Variants in LPIN2 observed in about 807,000 individuals in gnomAD.
LPIN2 encodes phosphatidate phosphatase LPIN2.
LPIN2 carries 55 observed loss-of-function variants against 111.4 expected under a neutral mutation model. The observed-to-expected ratio is 0.49, with a 90% confidence interval of 0.40 to 0.62. The LOEUF (loss-of-function observed/expected upper bound fraction) is 0.62, where lower values mean the gene tolerates loss of function less well. Among genes scored for constraint, LPIN2 ranks in the 20% least tolerant of loss-of-function variants. LPIN2 has a pLI of 0.00. For missense variants in LPIN2, 992 were observed against 1,112.1 expected (o/e 0.89, Z 1.54); for synonymous variants, 425 against 414.0 (o/e 1.03, Z -0.32).
At chr18:2,997,299 T>G (rs1385805996) in intron 1 of LPIN2, among the ~76,000 whole-genome samples, 1 of 151,822 alleles carries the variant, frequency 6.6e-6, no homozygotes, top group East Asian at 1.9e-4. Context: ...TGTTTTTTGT[T>G]TTTTTTTAGT....
chr18:2,924,165 AACTAATCT>A (rs1350336669), intron 15 of LPIN2, among the ~76,000 whole-genome samples: 3 of 152,190 alleles, frequency 2.0e-5, no homozygotes, highest in African/African-American at 7.2e-5. Context: ...GAAACCAAAT[AACTAATCT>A]TTCCAAAAGT....
rs184193388 is a variant in LPIN2, at chr18:2,919,935, C to T, written c.*358G>A. The T allele has an allele frequency of 7.4e-3, 2,642 of 358,062 alleles. 18 individuals carry two copies. Among genetic ancestry groups the T allele is most frequent in the Non-Finnish European group, 0.01 (1,891 of 184,234 alleles). 22.2% of individuals were successfully genotyped at this position (358,062 alleles called of 1,614,324 possible). A position where few individuals can be genotyped will look rare whatever the true frequency, so the allele number is the denominator to read the frequency against. On this transcript the variant is annotated 3_prime_UTR_variant, in exon 20 of 20. Transcript: ENST00000677752. ...CAACTGCCCAGTGGAAACTGGAACACTTCACTGTGTGCAGTGTTTTGGTCC... is the reference window on the plus strand; with the variant it reads ...CAACTGCCCAGTGGAAACTGGAACATTTCACTGTGTGCAGTGTTTTGGTCC...
intron 7 of LPIN2, among the ~76,000 whole-genome samples, chr18:2,937,104 A>G (rs567413827): frequency 2.0e-5 from 3 of 152,280 alleles, no homozygotes; most frequent in South Asian, 2.1e-4. Context: ...TTACTCATCA[A>G]TTGATTACAA....
chr18:2,982,591 C>T lies in LPIN2; in HGVS notation c.-9-21742G>A, dbSNP rs894565449. 5.6e-5 allele frequency: 29 copies of T among 522,114 alleles called. No individual in the cohort carries two copies. In the Admixed American group the frequency reaches 8.3e-4, roughly 15 times the overall value. The allele number at this position is 522,114 out of a possible 1,614,324, so 32.3% of individuals were successfully genotyped here. ...ATTAGTCTTTTTCTTTTGGTGGATGCCATCCCCTTGTCTCTCAGTAGTGTC... is the reference window on the plus strand; with the variant it reads ...ATTAGTCTTTTTCTTTTGGTGGATGTCATCCCCTTGTCTCTCAGTAGTGTC... On this transcript the variant is annotated intron_variant, in intron 1 of 19. Coordinates refer to ENST00000677752, the MANE Select transcript of LPIN2 (RefSeq NM_001375808.2).
chr18:2,961,515 A>G (rs2077713221), intron 1 of LPIN2, among the ~76,000 whole-genome samples: 1 of 152,206 alleles, frequency 6.6e-6, no homozygotes, highest in South Asian at 2.1e-4. Context: ...TTCAAAGCAC[A>G]GAAAAGGGTT....
At chr18:2,950,710 C>A (rs1329983563) in intron 4 of LPIN2, 2 of 333,212 alleles carry the variant, frequency 6.0e-6, no homozygotes, top group African/African-American at 4.2e-5. Flanking sequence ...CCTAAGGCCA[C>A]TGGGTAGGGA....
At chr18:3,009,602 C>T (rs777088962) in intron 1 of LPIN2, among the ~76,000 whole-genome samples, 2 of 151,612 alleles carry the variant, frequency 1.3e-5, no homozygotes, top group Non-Finnish European at 2.9e-5. Context: ...CCACACCTGG[C>T]TAATTCTTTT....
intron 1 of LPIN2, among the ~76,000 whole-genome samples, chr18:2,961,148 C>G (rs747881194): frequency 6.6e-6 from 1 of 152,106 alleles, no homozygotes; most frequent in Non-Finnish European, 1.5e-5. Context: ...GACTTTTTCC[C>G]CAAAGTTCAG....
At chr18:3,011,799 C>T (rs949864629) in intron 1 of LPIN2, 3 of 152,338 alleles carry the variant, frequency 2.0e-5, no homozygotes, top group Admixed American at 6.5e-5. Flanking sequence ...TCTTTTTCTT[C>T]TCTGGCTGGG....
chr18:2,930,454 AG>A (rs923923301), intron 9 of LPIN2, among the ~76,000 whole-genome samples: 1 of 152,240 alleles, frequency 6.6e-6, no homozygotes, highest in African/African-American at 2.4e-5. Context: ...GACCCTGGAA[AG>A]GAAAGACTTC....
In LPIN2 at chr18:3,013,106, G is replaced by A. The variant is rs1167653230; in HGVS notation, c.-29C>T. 4 of 150,714 alleles carry A rather than the reference G, an allele frequency of 2.7e-5. No homozygotes were observed. Among genetic ancestry groups the A allele is most frequent in the Non-Finnish European group, 4.4e-5 (3 of 67,508 alleles). 9.3% of individuals were successfully genotyped at this position (150,714 alleles called of 1,614,324 possible). On this transcript the variant is annotated 5_prime_UTR_variant, in exon 1 of 20. Coordinates refer to ENST00000677752, the MANE Select transcript of LPIN2 (RefSeq NM_001375808.2). ...ACTTACCCACAGGGGCTCCGCTCCC[G>A]GCCAGCGGGCGGCTGAGGGCAGGCG...
intron 8 of LPIN2, among the ~76,000 whole-genome samples, chr18:2,931,958 A>G (rs1444738033): frequency 6.6e-6 from 1 of 152,232 alleles, no homozygotes; most frequent in Non-Finnish European, 1.5e-5. Flanking sequence ...CAAAGAAGGA[A>G]GGAGAAATTA....
intron 2 of LPIN2, among the ~76,000 whole-genome samples, chr18:2,959,526 T>C (rs1442052827): frequency 6.6e-6 from 1 of 152,212 alleles, no homozygotes; most frequent in Non-Finnish European, 1.5e-5. Context: ...CCTTTCTATG[T>C]TATTTAAGTA....
intron 3 of LPIN2, 110 bp from the exon 4 acceptor site, chr18:2,951,466 C>A: frequency 9.9e-6 from 8 of 806,738 alleles, no homozygotes; most frequent in African/African-American, 1.8e-5. Context: ...AAAAAAAATA[C>A]ATATTCCCTA....
chr18:2,930,598 G>T (rs1299739072), intron 9 of LPIN2, among the ~76,000 whole-genome samples: 2 of 152,174 alleles, frequency 1.3e-5, no homozygotes, highest in Non-Finnish European at 2.9e-5. Flanking sequence ...AAATCATACA[G>T]GGGCCACAGG....
At chr18:2,982,438 AACG>A (rs2078125205) in intron 1 of LPIN2, among the ~76,000 whole-genome samples, 1 of 152,336 alleles carries the variant, frequency 6.6e-6, no homozygotes. Context: ...GTTAAATAAC[AACG>A]AATAGAGATA....
At chr18:2,986,126 G>T (rs2078181929) in intron 1 of LPIN2, among the ~76,000 whole-genome samples, 1 of 152,152 alleles carries the variant, frequency 6.6e-6, no homozygotes, top group African/African-American at 2.4e-5. Flanking sequence ...CTCCTAAATG[G>T]AATCACTTAT....
In LPIN2 at chr18:2,970,906, T is replaced by C. The variant is rs149942894; in HGVS notation, c.-9-10057A>G. ...TCTGCTCACTGAGTTCACTTCACTATGATGATTTCAACACACTCACTTTCT... is the reference window on the plus strand; with the variant it reads ...TCTGCTCACTGAGTTCACTTCACTACGATGATTTCAACACACTCACTTTCT... On this transcript the variant is annotated intron_variant, in intron 1 of 19. Coordinates refer to ENST00000677752, the MANE Select transcript of LPIN2 (RefSeq NM_001375808.2). Among the ~76,000 whole-genome samples, 4 of 152,314 alleles carry C rather than the reference T, an allele frequency of 2.6e-5. No individual in the cohort carries two copies. The East Asian group carries it at 5.8e-4, about 22-fold the overall frequency.
intron 16 of LPIN2, among the ~76,000 whole-genome samples, chr18:2,922,797 A>G (rs2077074734): frequency 6.6e-6 from 1 of 152,266 alleles, no homozygotes; most frequent in Non-Finnish European, 1.5e-5. Flanking sequence ...ATTAGAGGAC[A>G]GAAAAAACCT....
Sources: allele counts gnomAD v4.1 joint callset (sites outside exome capture counted in the v4.1 genomes callset), GRCh38; gene constraint gnomAD v4.1.1; transcripts MANE v1.5; gene names NCBI Gene and HGNC (gene_info 2026-07-23, HGNC 2026-07-21).